The following PRKAG2 variants were observed in gnomAD, a reference collection of about 807,000 sequenced individuals.
The protein encoded by PRKAG2 is 5'-AMP-activated protein kinase subunit gamma-2.
Under a neutral mutation model 69.6 loss-of-function variants are expected in PRKAG2, and 26 were observed. The observed-to-expected ratio is 0.37, with a 90% CI of 0.27 to 0.52. PRKAG2 has a LOEUF of 0.52. PRKAG2 is among the 20% of genes least tolerant of loss of function. PRKAG2 has a pLI of 0.90. For missense variants in PRKAG2, 557 were observed against 740.0 expected, an observed-to-expected ratio of 0.75 and a Z score of 2.87; for synonymous variants, 293 against 285.0, an observed-to-expected ratio of 1.03 and a Z score of -0.28.
In PRKAG2 at chr7:151,777,251, G is replaced by GA. The variant is rs1218402016; in HGVS notation, c.466+3900_466+3901insT. On this transcript the variant is annotated intron_variant, in intron 3 of 15. Transcript: ENST00000287878. The surrounding 1 kb of genome is among the most constrained non-coding windows in gnomAD (Gnocchi z 4.3). ...GTGGACACCAGCAGAGTCATCCCCAGGCCTGTGCCTGCGTTCCCTCACTGT... is the reference window on the plus strand; with the variant it reads ...GTGGACACCAGCAGAGTCATCCCCAGAGCCTGTGCCTGCGTTCCCTCACTGT... Among the ~76,000 whole-genome samples, 3 of 152,208 alleles carry GA rather than the reference G, an allele frequency of 2.0e-5. No individual in the cohort carries two copies. Among genetic ancestry groups the GA allele is most frequent in the Non-Finnish European group, 4.4e-5 (3 of 68,034 alleles).
intron 3 of PRKAG2, among the ~76,000 whole-genome samples, chr7:151,724,712 G>A (rs1405754362): frequency 6.6e-6 from 1 of 152,204 alleles, no homozygotes; most frequent in East Asian, 1.9e-4. Context: ...CTCCCTAGCC[G>A]GAGCAGCCGC....
chr7:151,710,007 A>C (rs1323937122), intron 3 of PRKAG2, among the ~76,000 whole-genome samples: 1 of 152,202 alleles, frequency 6.6e-6, no homozygotes, highest in East Asian at 1.9e-4. Flanking sequence ...AAGCATTTAC[A>C]GTAGAGCCCC....
chr7:151,660,537 T>G (rs959202744), intron 4 of PRKAG2, among the ~76,000 whole-genome samples: 7 of 152,276 alleles, frequency 4.6e-5, no homozygotes, highest in African/African-American at 1.7e-4. Flanking sequence ...TTAGAACCAG[T>G]AGTTTGCTTT....
intron 1 of PRKAG2, among the ~76,000 whole-genome samples, chr7:151,860,607 T>C (rs1446255794): frequency 6.6e-6 from 1 of 152,016 alleles, no homozygotes; most frequent in Non-Finnish European, 1.5e-5. Flanking sequence ...TGGAAGGAGA[T>C]GACTTGGGAG....
chr7:151,648,183 G>T (rs1488663685), intron 4 of PRKAG2, among the ~76,000 whole-genome samples: 1 of 152,114 alleles, frequency 6.6e-6, no homozygotes, highest in Non-Finnish European at 1.5e-5. Flanking sequence ...CATCAGCTAT[G>T]CCTCCCAAAC....
chr7:151,752,025 G>A (rs1291251464), intron 3 of PRKAG2, among the ~76,000 whole-genome samples: 2 of 152,184 alleles, frequency 1.3e-5, no homozygotes, highest in African/African-American at 4.8e-5. Flanking sequence ...CAGCATGATG[G>A]GGACAGGGTG....
chr7:151,767,719 A>G (rs538209528), intron 3 of PRKAG2, among the ~76,000 whole-genome samples: 41 of 152,392 alleles, frequency 2.7e-4, no homozygotes, highest in African/African-American at 9.9e-4. Flanking sequence ...AGGCTCAAAG[A>G]GTACCAGCTA....
chr7:151,566,677 T>C, intron 11 of PRKAG2: 2 of 403,972 alleles, frequency 5.0e-6, no homozygotes, highest in Non-Finnish European at 9.6e-6. Flanking sequence ...AAAGAGTTCA[T>C]CAATATTCAA....
chr7:151,856,213 A>G (rs1034623337), intron 1 of PRKAG2, among the ~76,000 whole-genome samples: 3 of 152,240 alleles, frequency 2.0e-5, no homozygotes, highest in East Asian at 1.9e-4. Context: ...TAACAAAGCA[A>G]CTTAGGTTCA....
chr7:151,605,867 G>A (rs959578611), intron 5 of PRKAG2, among the ~76,000 whole-genome samples: 1 of 151,710 alleles, frequency 6.6e-6, no homozygotes, highest in Non-Finnish European at 1.5e-5. Context: ...GAACCCTGGA[G>A]GCGGAGGTTG....
At chr7:151,640,381 A>G (rs1369463366) in intron 4 of PRKAG2, among the ~76,000 whole-genome samples, 1 of 152,180 alleles carries the variant, frequency 6.6e-6, no homozygotes, top group African/African-American at 2.4e-5. Flanking sequence ...GGCAATCTTT[A>G]GGATTTTCTT....
intron 3 of PRKAG2, among the ~76,000 whole-genome samples, chr7:151,696,409 G>A (rs1261657031): frequency 1.3e-5 from 2 of 152,196 alleles, no homozygotes; most frequent in South Asian, 2.1e-4. Context: ...GGTGGATGTG[G>A]CAAAGCATCT....
chr7:151,859,456 AGTGAGG>A (rs1435196126), intron 1 of PRKAG2, among the ~76,000 whole-genome samples: 1 of 152,240 alleles, frequency 6.6e-6, no homozygotes, highest in Non-Finnish European at 1.5e-5. Flanking sequence ...TGGTCTTCAG[AGTGAGG>A]GCAGCGCCCA....
chr7:151,665,405 C>G (rs887100861), intron 4 of PRKAG2, among the ~76,000 whole-genome samples: 1 of 152,196 alleles, frequency 6.6e-6, no homozygotes, highest in Non-Finnish European at 1.5e-5. Context: ...AAAAGGGCCA[C>G]GCTCCCAGTC....
chr7:151,727,899 T>C (rs1798258790), intron 3 of PRKAG2, among the ~76,000 whole-genome samples: 1 of 152,298 alleles, frequency 6.6e-6, no homozygotes. Flanking sequence ...TCATCAAAAC[T>C]TCCTCCTGGG....
chr7:151,690,558 G>A (rs780849404), intron 3 of PRKAG2, among the ~76,000 whole-genome samples: 1 of 152,236 alleles, frequency 6.6e-6, no homozygotes, highest in Non-Finnish European at 1.5e-5. Context: ...GGGAGGGAAG[G>A]ACAGGACCAG....
chr7:151,754,397 G>A (rs979641009), intron 3 of PRKAG2, among the ~76,000 whole-genome samples: 3 of 152,324 alleles, frequency 2.0e-5, no homozygotes, highest in African/African-American at 2.4e-5. Flanking sequence ...GATGAGTCAC[G>A]TTTTTCTGGA....
chr7:151,612,273 G>C (rs1472678253), intron 5 of PRKAG2, among the ~76,000 whole-genome samples: 1 of 152,212 alleles, frequency 6.6e-6, no homozygotes, highest in Non-Finnish European at 1.5e-5. Flanking sequence ...ACTGCAGAGT[G>C]AGCGTCAGCT....
chr7:151,756,938 G>A lies in PRKAG2; in HGVS notation c.466+24214C>T, dbSNP rs1263597015. On this transcript the variant is annotated intron_variant, in intron 3 of 15. Transcript: ENST00000287878. This position sits in a 1 kb window ranked among gnomAD's most constrained non-coding sequence, Gnocchi z 4.9. ...GCCATCTGCAGGAGACGATTCAGAC[G>A]GGGTCAGCGCTGCGATTCGGGGGAG... is the stretch of plus-strand genomic sequence containing the variant. 2.0e-5 allele frequency among the ~76,000 whole-genome samples: 3 copies of A among 152,320 alleles called. No individual in the cohort carries two copies. The highest frequency in any genetic ancestry group is 1.9e-4 in the East Asian group (1 of 5,188).
Sources: gnomAD v4.1 joint callset for allele counts (sites outside exome capture counted in the v4.1 genomes callset) on GRCh38, gnomAD v4.1.1 for gene constraint, Gnocchi (gnomAD v3.1) non-coding constraint, MANE v1.5 for transcripts, NCBI Gene and HGNC (gene_info 2026-07-23, HGNC 2026-07-21) for gene names.